SYVN1: variants seen among roughly 807,000 people sequenced by gnomAD.
SYVN1 encodes synoviolin 1, also known as E3 ubiquitin-protein ligase synoviolin.
SYVN1 carries 17 observed loss-of-function variants against 62.6 expected under a neutral mutation model. The observed-to-expected ratio is 0.27, with a 90% CI of 0.19 to 0.41. SYVN1 has a LOEUF of 0.41. SYVN1 is among the 10% of genes least tolerant of loss of function. The pLI is 1.00. For synonymous variants in SYVN1, 316 were observed against 304.0 expected, an observed-to-expected ratio of 1.04 and a Z score of -0.41; for missense variants, 634 against 818.0, an observed-to-expected ratio of 0.78 and a Z score of 2.74.
At chr11:65,133,284 C>A (rs903039657) in intron 2 of SYVN1, 32 bp from the exon 3 acceptor site, 10 of 1,610,004 alleles carry the variant, frequency 6.2e-6, no homozygotes, top group South Asian at 1.1e-5. Context: ...GGTTTGAGGT[C>A]ACTTTCTGCT....
In SYVN1 at chr11:65,129,736, A is replaced by C. The variant is rs781612377; in HGVS notation, c.1588T>G (p.Ser530Ala). The stretch of plus-strand genomic sequence containing the variant: ...TCCCCTGTACAGACACACCCCAAGG[A>C]GGCCAGCACGGTGAGGTACTGGTTG... ...QINQYLTVLA[S>A]LGPPRPATSV... Residue 530 changes from serine (S) to alanine (A), a missense_variant, in exon 14 of 16, where the codon TCC becomes GCC. Around this residue, in one of 2 missense-constraint regions of SYVN1, gnomAD observed 351 missense variants for 373.3 expected, o/e 0.94. Transcript: ENST00000377190. The C allele has an allele frequency of 1.2e-6, 2 of 1,614,148 alleles. No individual in the cohort carries two copies. Among genetic ancestry groups the C allele is most frequent in the Non-Finnish European group, 1.7e-6 (2 of 1,179,966 alleles).
intron 1 of SYVN1, 22 bp downstream of exon 1, chr11:65,134,434 G>C (rs1001874421): frequency 6.5e-6 from 1 of 152,770 alleles, no homozygotes. Context: ...CCACAACTCG[G>C]GCCAGACTTC....
Position 65,131,336 on chromosome 11 carries a change from G to A in SYVN1, c.696C>T (p.Thr232=), listed in dbSNP as rs768369509. 6.2e-7 allele frequency: 1 copy of A among 1,614,080 alleles called. No individual in the cohort carries two copies. Among genetic ancestry groups the A allele is most frequent in the Non-Finnish European group, 8.5e-7 (1 of 1,180,004 alleles). Residue 232 remains threonine, a synonymous_variant, in exon 8 of 16, where the codon ACC becomes ACT. Transcript: ENST00000377190. ...GGAAGGTGTGCACCTTGATCATGAT[G>A]GTCATGAAGGCCATGTACAGCAGAA... is the stretch of plus-strand genomic sequence containing the variant. The part of the protein sequence containing the change: ...IKVLLYMAFM[T]IMIKVHTFPL...
intron 4 of SYVN1, 21 bp from the exon 5 acceptor site, chr11:65,132,801 G>A (rs757559762): frequency 1.9e-6 from 3 of 1,613,956 alleles, no homozygotes; most frequent in East Asian, 2.2e-5. Flanking sequence ...GCACAGAAGA[G>A]GCCTGTCAGG....
At chr11:65,132,553 G>A in intron 5 of SYVN1, 179 bp downstream of exon 5, 4 of 842,048 alleles carry the variant, frequency 4.8e-6, no homozygotes, top group Non-Finnish European at 7.7e-6. Flanking sequence ...AGGTGAGAAG[G>A]CAAAGGGCTG....
At chr11:65,132,531 T>C (rs1948194511) in intron 5 of SYVN1, 180 bp from the exon 6 acceptor site, 1 of 769,704 alleles carries the variant, frequency 1.3e-6, no homozygotes, top group South Asian at 1.7e-5. Flanking sequence ...TTGTTGGGGC[T>C]GCCCAGGCTG....
Position 65,133,022 on chromosome 11 carries a change from G to C in SYVN1, c.278C>G (p.Thr93Ser), listed in dbSNP as rs1948200852. 2 of 1,614,112 alleles carry C rather than the reference G, an allele frequency of 1.2e-6. No homozygotes were observed. Among genetic ancestry groups the C allele is most frequent in the African/African-American group, 1.3e-5 (1 of 74,934 alleles). Residue 93 changes from threonine (T) to serine (S), a missense_variant, in exon 4 of 16, where the codon ACC becomes AGC. Thr to Ser is a moderately conservative substitution (Grantham distance 58). Around this residue, in one of 2 missense-constraint regions of SYVN1, gnomAD observed 283 missense variants for 444.7 expected, o/e 0.64. Transcript: ENST00000377190. ...YAVTETCLAFTVFRDDFSPRF... is the reference protein window; with the variant it reads ...YAVTETCLAFSVFRDDFSPRF... ...GGGGCTGAAGTCATCCCGAAAAACGGTGAAGGCCAGACAAGTCTCTGTGAC... is the reference window on the plus strand; with the variant it reads ...GGGGCTGAAGTCATCCCGAAAAACGCTGAAGGCCAGACAAGTCTCTGTGAC...
At chr11:65,128,841 C>A in intron 14 of SYVN1, 127 bp from the exon 15 acceptor site, 1 of 1,002,268 alleles carries the variant, frequency 1.0e-6, no homozygotes, top group Admixed American at 2.9e-5. Flanking sequence ...CAGTGCCTGG[C>A]AAACACAAGT....
rs1357731817 is a variant in SYVN1 at position 65,128,402 on chromosome 11, C to T, written c.1834G>A (p.Glu612Lys). Reference sequence around the variant, plus strand: ...CAGTGTCAGTGGGCAACAGGAGACTCCAGCTTCTGCAGGCGGCGCCGGCGG... The same window carrying T: ...CAGTGTCAGTGGGCAACAGGAGACTTCAGCTTCTGCAGGCGGCGCCGGCGG... ...ELRRRRLQKL[E>K]SPVAH The change falls in exon 16 of 16, where the codon GAG becomes AAG. Residue 612 changes from glutamate to lysine, a missense_variant. Physicochemically the swap from Glu to Lys is moderately conservative, Grantham distance 56. Transcript: ENST00000377190. 1.2e-6 allele frequency: 2 copies of T among 1,613,538 alleles called. No individual in the cohort carries two copies. Among genetic ancestry groups the T allele is most frequent in the Admixed American group, 1.7e-5 (1 of 59,982 alleles).
chr11:65,128,622 T>C lies in SYVN1; in HGVS notation c.1688A>G (p.Glu563Gly), dbSNP rs769516467. The C allele has an allele frequency of 6.5e-5, 105 of 1,614,004 alleles. 1 individual carries two copies. In the Admixed American group the frequency reaches 8.3e-4, roughly 13 times the overall value. ...GGCTCCTGGGGTTGGGGTCGTGGCC[T>C]CTGAGCTAGGGATGCTGGTGGAGGA... The part of the protein sequence containing the change: ...AASSTSIPSS[E>G]ATTPTPGASP... The change falls in exon 15 of 16, where the codon GAG becomes GGG. Residue 563 changes from glutamate (E) to glycine (G), a missense_variant. By Grantham distance (98) the Glu-to-Gly change is moderately conservative. Transcript: ENST00000377190.
In SYVN1 at chr11:65,132,902, A is replaced by G. The variant is rs766383562; in HGVS notation, c.378+20T>C. 6.2e-7 allele frequency: 1 copy of G among 1,613,882 alleles called. No individual in the cohort carries two copies. Among genetic ancestry groups the G allele is most frequent in the Admixed American group, 1.7e-5 (1 of 60,012 alleles). ...ACTCCCTGGCTTCCACCTGCTCCAG[A>G]ACTCCCTGCCTTGACTCACAAAGTC... On this transcript the variant is annotated intron_variant, in intron 4 of 15. Coordinates refer to ENST00000377190, the MANE Select transcript of SYVN1 (RefSeq NM_172230.3).
rs1436803801 is a variant in SYVN1 at position 65,129,713 on chromosome 11, C to A, written c.1595+16G>T. On this transcript the variant is annotated intron_variant, in intron 14 of 15. Coordinates refer to ENST00000377190, the MANE Select transcript of SYVN1 (RefSeq NM_172230.3). Reference sequence around the variant, plus strand: ...TGACCCACCAAACCCACTCTGCTTCCCCTGTACAGACACACCCCAAGGAGG... The same window carrying A: ...TGACCCACCAAACCCACTCTGCTTCACCTGTACAGACACACCCCAAGGAGG... 6.2e-7 allele frequency: 1 copy of A among 1,612,852 alleles called. No individual in the cohort carries two copies. The highest frequency in any genetic ancestry group is 1.1e-5 in the South Asian group (1 of 91,042).
At chr11:65,132,096 G>A in intron 6 of SYVN1, 152 bp downstream of exon 6, 1 of 694,100 alleles carries the variant, frequency 1.4e-6, no homozygotes, top group South Asian at 1.4e-5. Flanking sequence ...GAGTGAGCGT[G>A]TGGAGGGCAG....
Position 65,133,143 on chromosome 11 carries a change from G to T in SYVN1, c.225+17C>A, listed in dbSNP as rs755048321. 1 of 1,614,106 alleles carries T rather than the reference G, an allele frequency of 6.2e-7. No individual in the cohort carries two copies. Among genetic ancestry groups the T allele is most frequent in the Non-Finnish European group, 8.5e-7 (1 of 1,180,028 alleles). On this transcript the variant is annotated intron_variant, in intron 3 of 15. Coordinates refer to ENST00000377190, the MANE Select transcript of SYVN1 (RefSeq NM_172230.3). ...CCCAGCACCCTGCCCTCACCTTTGG[G>T]GCAGCCGACATCTTACCTCCATCTC... is the stretch of plus-strand genomic sequence containing the variant.
intron 6 of SYVN1, among the ~76,000 whole-genome samples, chr11:65,131,822 C>A (rs1220362837): frequency 1.3e-5 from 2 of 152,140 alleles, no homozygotes; most frequent in Non-Finnish European, 2.9e-5. Context: ...TCCTTTATAA[C>A]AGTATTGTCT....
At position 65,128,035 on chromosome 11, in the gene SYVN1, A is replaced by C. The variant is rs139904990; in HGVS notation, c.*347T>G. Reference sequence around the variant, plus strand: ...TCGGCACTGCAGTGTGACTCCGCACATACAAGTAGGGCTTGGAGGGGCAGC... The same window carrying C: ...TCGGCACTGCAGTGTGACTCCGCACCTACAAGTAGGGCTTGGAGGGGCAGC... On this transcript the variant is annotated 3_prime_UTR_variant, in exon 16 of 16. Coordinates refer to ENST00000377190, the MANE Select transcript of SYVN1 (RefSeq NM_172230.3). The C allele has an allele frequency of 4.7e-6, 2 of 422,856 alleles. No individual in the cohort carries two copies. The highest frequency in any genetic ancestry group is 9.5e-5 in the East Asian group (2 of 21,006). The allele number at this position is 422,856 out of a possible 1,614,324, so 26.2% of individuals were successfully genotyped here.
Position 65,133,136 on chromosome 11 carries a change from C to T in SYVN1, c.225+24G>A, listed in dbSNP as rs756744913. The T allele has an allele frequency of 9.9e-6, 16 of 1,614,018 alleles. No homozygotes were observed. In the East Asian group the frequency reaches 2.9e-4, roughly 29 times the overall value. ...ATTCTTTCCCAGCACCCTGCCCTCA[C>T]CTTTGGGGCAGCCGACATCTTACCT... On this transcript the variant is annotated intron_variant, in intron 3 of 15. Coordinates refer to ENST00000377190, the MANE Select transcript of SYVN1 (RefSeq NM_172230.3).
intron 2 of SYVN1, 71 bp downstream of exon 2, chr11:65,133,399 C>T (rs539727892): frequency 6.3e-7 from 1 of 1,596,896 alleles, no homozygotes; most frequent in Non-Finnish European, 8.6e-7. Context: ...GACCTCTAGC[C>T]CCGCCCCTTG....
Position 65,131,122 on chromosome 11 carries a change from G to A in SYVN1, c.824+10C>T. 1.2e-6 allele frequency: 2 copies of A among 1,614,182 alleles called. No individual in the cohort carries two copies. Among genetic ancestry groups the A allele is most frequent in the Non-Finnish European group, 1.7e-6 (2 of 1,179,990 alleles). ...GAGCTTGGGACAGCAGCCATGACAA[G>A]CCTACTTACAGGGTGTTCATGTTGC... is the stretch of plus-strand genomic sequence containing the variant. On this transcript the variant is annotated intron_variant, in intron 9 of 15. Coordinates refer to ENST00000377190, the MANE Select transcript of SYVN1 (RefSeq NM_172230.3).
Sources: gnomAD v4.1 joint callset for allele counts (sites outside exome capture counted in the v4.1 genomes callset) on GRCh38, gnomAD v4.1.1 for gene constraint, gnomAD v4.1.1 regional missense constraint, MANE v1.5 for transcripts, NCBI Gene and HGNC (gene_info 2026-07-23, HGNC 2026-07-21) for gene names.